The following HMCN2 variants were observed in gnomAD, a reference collection of about 807,000 sequenced individuals.
The protein encoded by HMCN2 is hemicentin-2.
A neutral mutation model predicts 377.5 loss-of-function variants in HMCN2; 325 were observed. That is an observed-to-expected ratio of 0.86 (90% CI 0.79 to 0.94). The LOEUF is 0.94. Among genes scored for constraint, HMCN2 ranks in the 40% least tolerant of loss-of-function variants. The pLI is 0.00. For synonymous variants in HMCN2, 2,007 were observed against 2,046.8 expected (o/e 0.98, Z 0.53); for missense variants, 4,543 against 4,725.3 (o/e 0.96, Z 1.13).
Position 130,426,012 on chromosome 9 carries a change from G to T in HMCN2, c.13879+88G>T, listed in dbSNP as rs919714477. 89 of 961,762 alleles carry T rather than the reference G, an allele frequency of 9.3e-5. 2 individuals carry two copies. The Middle Eastern group carries it at 2.6e-3, about 28-fold the overall frequency. 59.6% of individuals were successfully genotyped at this position (961,762 alleles called of 1,614,324 possible). A position where few individuals can be genotyped will look rare whatever the true frequency, so the allele number is the denominator to read the frequency against. On this transcript the variant is annotated intron_variant, in intron 90 of 97. Coordinates refer to ENST00000683500, the MANE Select transcript of HMCN2 (RefSeq NM_001291815.2). ...ATGCACGTGGCTGGAATCCACCCCT[G>T]CCCCTAACATCCACTGACCATGGGC...
rs758141420 is a variant in HMCN2 at position 130,356,104 on chromosome 9, C to G, written c.5272C>G (p.Arg1758Gly). 3 of 1,290,506 alleles carry G rather than the reference C, an allele frequency of 2.3e-6. No individual in the cohort carries two copies. The South Asian group carries it at 3.8e-5, about 16-fold the overall frequency. 79.9% of individuals were successfully genotyped at this position (1,290,506 alleles called of 1,614,324 possible). The change falls in exon 34 of 98, where the codon CGC becomes GGC. Residue 1758 changes from arginine (R) to glycine (G), a missense_variant. Arg to Gly is a moderately radical substitution (Grantham distance 125). This residue lies in a region of HMCN2 where 1,032 missense variants were observed against 1,285.1 expected (regional missense o/e 0.80). Transcript: ENST00000683500. The stretch of plus-strand genomic sequence containing the variant: ...TCACCTTAGGTGGCTGCAGAATGGC[C>G]GCCCAGCCGAGGAGCTGGCTGGGGT... ...VPTIQWLQNG[R>G]PAEELAGVQV...
At chr9:130,367,891 G>A (rs1175956443) in intron 43 of HMCN2, among the ~76,000 whole-genome samples, 2 of 146,010 alleles carry the variant, frequency 1.4e-5, no homozygotes, top group Non-Finnish European at 3.0e-5. Flanking sequence ...GCAGTGAGCC[G>A]AGATGGTGGC....
chr9:130,342,134 C>T, intron 24 of HMCN2, among the ~76,000 whole-genome samples: 1 of 152,296 alleles, frequency 6.6e-6, no homozygotes, highest in East Asian at 1.9e-4. Flanking sequence ...TCAGCCTCCC[C>T]AGCATGTGGG....
intron 5 of HMCN2, 143 bp downstream of exon 5, chr9:130,295,169 C>T (rs1284377022): frequency 1.1e-5 from 3 of 277,400 alleles, no homozygotes; most frequent in African/African-American, 4.6e-5. Context: ...GGGGGGGACA[C>T]GAAGTGGAGA....
At chr9:130,282,584 CA>C (rs1835180935) in intron 1 of HMCN2, among the ~76,000 whole-genome samples, 1 of 152,180 alleles carries the variant, frequency 6.6e-6, no homozygotes, top group Non-Finnish European at 1.5e-5. Flanking sequence ...GACGGATAAA[CA>C]CAGAGCAGAG....
rs982843669 is a variant in HMCN2, at chr9:130,403,735, G to T, written c.12014-6G>T. 1.6e-6 allele frequency: 2 copies of T among 1,289,338 alleles called. No homozygotes were observed. The highest frequency in any genetic ancestry group is 2.1e-4 in the Middle Eastern group (1 of 4,714). The allele number at this position is 1,289,338 out of a possible 1,614,324, so 79.9% of individuals were successfully genotyped here. ...CAGGCCCCCGATTTTCTTCTTCCTC[G>T]TTCAGGAGTGAGTACCCAGGTCCTA... On this transcript the variant is annotated splice_region_variant and splice_polypyrimidine_tract_variant and intron_variant, in intron 79 of 97. Transcript: ENST00000683500.
At chr9:130,387,897 T>C (rs1196864426) in intron 61 of HMCN2, among the ~76,000 whole-genome samples, 1 of 152,152 alleles carries the variant, frequency 6.6e-6, no homozygotes, top group South Asian at 2.1e-4. Flanking sequence ...GGCGACATAG[T>C]GAGAAGCTTG....
At chr9:130,298,563 T>C (rs1836294651) in intron 7 of HMCN2, among the ~76,000 whole-genome samples, 1 of 152,130 alleles carries the variant, frequency 6.6e-6, no homozygotes, top group African/African-American at 2.4e-5. Flanking sequence ...TCTGGGATAG[T>C]GTGAAAAGTA....
intron 13 of HMCN2, among the ~76,000 whole-genome samples, chr9:130,307,172 C>G (rs369661162): frequency 6.6e-6 from 1 of 152,078 alleles, no homozygotes; most frequent in Non-Finnish European, 1.5e-5. Flanking sequence ...CCTCCTGGTG[C>G]GAGGGAGGGA....
chr9:130,300,571 C>T (rs778359553), intron 8 of HMCN2, among the ~76,000 whole-genome samples: 1 of 152,234 alleles, frequency 6.6e-6, no homozygotes, highest in Admixed American at 6.5e-5. Context: ...ACAGGGCTGC[C>T]GTGGGGGTGC....
At position 130,361,149 on chromosome 9, in the gene HMCN2, C is replaced by A. The variant is rs114540721; in HGVS notation, c.5950+545C>A. Among the ~76,000 whole-genome samples the A allele has an allele frequency of 5.2e-3, 799 of 152,308 alleles. 9 individuals are homozygous for A. Among genetic ancestry groups the A allele is most frequent in the African/African-American group, 0.018 (755 of 41,560 alleles). On this transcript the variant is annotated intron_variant, in intron 38 of 97. Transcript: ENST00000683500. The surrounding 1 kb of genome is among the most constrained non-coding windows in gnomAD (Gnocchi z 4.8). ...CCATGCTCTGGGGCGGAGACTGGAC[C>A]TAGAGCCCTAGATAAGACAGACCTA...
intron 19 of HMCN2, among the ~76,000 whole-genome samples, chr9:130,324,512 A>G (rs1838025034): frequency 6.6e-6 from 1 of 151,926 alleles, no homozygotes; most frequent in Non-Finnish European, 1.5e-5. Flanking sequence ...AGCACTGAAG[A>G]CACGTCATCA....
chr9:130,322,222 A>G (rs1432034289), intron 19 of HMCN2, among the ~76,000 whole-genome samples: 1 of 152,160 alleles, frequency 6.6e-6, no homozygotes, highest in African/African-American at 2.4e-5. Flanking sequence ...TATATACACT[A>G]TGTATACATA....
Position 130,355,008 on chromosome 9 carries a change from G to A in HMCN2, c.5110G>A (p.Gly1704Arg), listed in dbSNP as rs763050720. 86 of 1,292,894 alleles carry A rather than the reference G, an allele frequency of 6.7e-5. 1 individual carries two copies. Among genetic ancestry groups the A allele is most frequent in the South Asian group, 6.6e-4 (53 of 80,906 alleles). 80.1% of individuals were successfully genotyped at this position (1,292,894 alleles called of 1,614,324 possible). The change falls in exon 32 of 98, where the codon GGG becomes AGG. Residue 1704 changes from glycine (G) to arginine (R), a missense_variant. Transcript: ENST00000683500. ...CAGCTGTGTGGCCAGCAGTCCTGCC[G>A]GGGAAGCCGTCCTGCAGTACTCCGT... ...LYSCVASSPA[G>R]EAVLQYSVEV...
At chr9:130,406,255 T>C (rs1042179756) in intron 82 of HMCN2, 87 bp downstream of exon 82, 9 of 1,128,778 alleles carry the variant, frequency 8.0e-6, no homozygotes, top group Non-Finnish European at 9.5e-6. Flanking sequence ...CCCAACCTAG[T>C]GGAAAGGAAG....
rs1453385269 is a variant in HMCN2, at chr9:130,395,193, G to A, written c.10775-18G>A. 2.3e-6 allele frequency: 3 copies of A among 1,287,020 alleles called. No individual in the cohort carries two copies. The highest frequency in any genetic ancestry group is 1.1e-4 in the East Asian group (2 of 17,986). The allele number at this position is 1,287,020 out of a possible 1,614,324, so 79.7% of individuals were successfully genotyped here. ...GTGAGTCCCCCTCTCATATCCTCTTGTGCCACCCCCTTCCCAGCCCCTCCA... is the reference window on the plus strand; with the variant it reads ...GTGAGTCCCCCTCTCATATCCTCTTATGCCACCCCCTTCCCAGCCCCTCCA... On this transcript the variant is annotated intron_variant, in intron 70 of 97. Transcript: ENST00000683500.
chr9:130,376,476 C>T, intron 51 of HMCN2, 40 bp from the exon 52 acceptor site: 1 of 969,412 alleles, frequency 1.0e-6, no homozygotes, highest in Non-Finnish European at 1.2e-6. Context: ...TTTCAGCACC[C>T]ATCCCCCAGC....
rs57866205 is a variant in HMCN2 at position 130,408,725 on chromosome 9, C to T, written c.12689-18C>T. On this transcript the variant is annotated intron_variant, in intron 83 of 97. Transcript: ENST00000683500. Reference sequence around the variant, plus strand: ...GCAACCTCTTTTCTGACAACTTGCTCGATGTCACCCCATGCAGAGGCTCCT... The same window carrying T: ...GCAACCTCTTTTCTGACAACTTGCTTGATGTCACCCCATGCAGAGGCTCCT... 5,594 of 1,277,594 alleles carry T rather than the reference C, an allele frequency of 4.4e-3. 196 individuals are homozygous for T. In the African/African-American group the frequency reaches 0.077, roughly 18 times the overall value. 79.1% of individuals were successfully genotyped at this position (1,277,594 alleles called of 1,614,324 possible).
At position 130,360,545 on chromosome 9, in the gene HMCN2, GC is replaced by G. The variant is rs1564815926; in HGVS notation, c.5892del (p.Cys1965ValfsTer42). On this transcript the variant is annotated frameshift_variant, in exon 38 of 98. Coordinates refer to ENST00000683500, the MANE Select transcript of HMCN2 (RefSeq NM_001291815.2). LOFTEE classifies it high-confidence loss of function. This position sits in a 1 kb window ranked among gnomAD's most constrained non-coding sequence, Gnocchi z 4.7. ...CAGCTTTCTGATGCTGGGAGCTACCGCTGTGTGGCATCCAATGTGGCAGGTA... is the reference window on the plus strand; with the variant it reads ...CAGCTTTCTGATGCTGGGAGCTACCGTGTGTGGCATCCAATGTGGCAGGTA... Reference protein sequence around the residue: ...QAQLSDAGSYRCVASNVAGST... With the variant: ...QAQLSDAGSYXCVASNVAGST... 1 of 1,304,090 alleles carries G rather than the reference GC, an allele frequency of 7.7e-7. No individual in the cohort carries two copies. The highest frequency in any genetic ancestry group is 1.5e-5 in the African/African-American group (1 of 65,832). The allele number at this position is 1,304,090 out of a possible 1,614,324, so 80.8% of individuals were successfully genotyped here. A position where few individuals can be genotyped will look rare whatever the true frequency, so the allele number is the denominator to read the frequency against.
Sources: gnomAD v4.1 joint callset for allele counts (sites outside exome capture counted in the v4.1 genomes callset) on GRCh38, gnomAD v4.1.1 for gene constraint, gnomAD v4.1.1 regional missense constraint, Gnocchi (gnomAD v3.1) non-coding constraint, MANE v1.5 for transcripts, NCBI Gene and HGNC (gene_info 2026-07-23, HGNC 2026-07-21) for gene names.